Variants in EXTL1 observed in about 807,000 individuals in gnomAD.
EXTL1 encodes exostosin-like 1.
EXTL1 carries 43 observed loss-of-function variants against 64.6 expected under a neutral mutation model. That is an observed-to-expected ratio of 0.67 (90% CI 0.52 to 0.86). The LOEUF (loss-of-function observed/expected upper bound fraction) is 0.86, where lower values mean the gene tolerates loss of function less well. Ranked by LOEUF, EXTL1 falls within the 40% of genes least tolerant of loss-of-function variation. The probability of loss-of-function intolerance (pLI) is 0.00; values close to 1 mark genes in which losing one functional copy is unlikely to be tolerated. For synonymous variants in EXTL1, 352 were observed against 360.5 expected, an observed-to-expected ratio of 0.98 and a Z score of 0.27; for missense variants, 766 against 879.0, an observed-to-expected ratio of 0.87 and a Z score of 1.62.
rs563875481 is a variant in EXTL1, at chr1:26,026,167, G to A, written c.779+2742G>A. 4.0e-5 allele frequency among the ~76,000 whole-genome samples: 6 copies of A among 150,316 alleles called. No individual in the cohort carries two copies. In the South Asian group the frequency reaches 1.1e-3, roughly 26 times the overall value. ...AGTGAGAGGATCGCTTGAGCCCAGG[G>A]TGTCAAGGCTAGAGTGAGCTGGGAT... On this transcript the variant is annotated intron_variant, in intron 1 of 10. Transcript: ENST00000374280.
At chr1:26,031,103 C>T (rs746559225) in intron 4 of EXTL1, 29 bp from the exon 5 acceptor site, 12 of 1,613,746 alleles carry the variant, frequency 7.4e-6, no homozygotes, top group Middle Eastern at 1.6e-4. Context: ...ACAGGCCACT[C>T]GCTCTGCTCA....
At position 26,031,165 on chromosome 1, in the gene EXTL1, C is replaced by A. The variant is rs2736831; in HGVS notation, c.1135C>A (p.His379Asn). 0.68 allele frequency: 1,097,982 copies of A among 1,613,718 alleles called. 381,896 individuals are homozygous for A. The highest frequency in any genetic ancestry group is 0.76 in the East Asian group (34,239 of 44,836). Residue 379 changes from histidine to asparagine, a missense_variant, in exon 5 of 11, where the codon CAC (histidine) becomes AAC (asparagine). His to Asn is a moderately conservative substitution (Grantham distance 68). Around this residue, in one of 3 missense-constraint regions of EXTL1, gnomAD observed 571 missense variants for 647.6 expected, o/e 0.88. Transcript: ENST00000374280. ...GGACCGGATTTTTGGAACATCAGCT[C>A]ACCCCTCACTGCTGTGGAACAGCCC... is the stretch of plus-strand genomic sequence containing the variant. The part of the protein sequence containing the change: ...IQDRIFGTSA[H>N]PSLLWNSPPG...
chr1:26,030,682 G>A, intron 4 of EXTL1, 87 bp downstream of exon 4: 38 of 1,437,678 alleles, frequency 2.6e-5, no homozygotes, highest in Non-Finnish European at 3.5e-5. Context: ...CACAGTGTTT[G>A]GGGAACCCCC....
At chr1:26,027,711 C>T (rs76141162) in intron 1 of EXTL1, among the ~76,000 whole-genome samples, 2 of 99,772 alleles carry the variant, frequency 2.0e-5, no homozygotes, top group East Asian at 5.4e-4. Context: ...AAAAAAAAGC[C>T]AGCACGTGCC....
intron 4 of EXTL1, 103 bp from the exon 5 acceptor site, chr1:26,031,029 G>C (rs2050279337): frequency 6.9e-7 from 1 of 1,440,764 alleles, no homozygotes; most frequent in Non-Finnish European, 9.7e-7. Context: ...TCTGACCCCA[G>C]GGGTCTGGTG....
At chr1:26,026,136 G>C (rs1482514787) in intron 1 of EXTL1, among the ~76,000 whole-genome samples, 1 of 151,232 alleles carries the variant, frequency 6.6e-6, no homozygotes, top group African/African-American at 2.4e-5. Flanking sequence ...CTACTTGGGA[G>C]GCTGAAGTGA....
chr1:26,033,609 C>A lies in EXTL1; in HGVS notation c.1519-87C>A. The A allele has an allele frequency of 1.4e-6, 2 of 1,436,740 alleles. No homozygotes were observed. The highest frequency in any genetic ancestry group is 1.9e-6 in the Non-Finnish European group (2 of 1,038,564). 89.0% of individuals were successfully genotyped at this position (1,436,740 alleles called of 1,614,324 possible). A position where few individuals can be genotyped will look rare whatever the true frequency, so the allele number is the denominator to read the frequency against. The stretch of plus-strand genomic sequence containing the variant: ...TCCCCTGAGTCCTGCCCGGGCCCCT[C>A]AGCCAGGCTGCCCCTGCCTCCATTT... On this transcript the variant is annotated intron_variant, in intron 8 of 10. Coordinates refer to ENST00000374280, the MANE Select transcript of EXTL1 (RefSeq NM_004455.3). This position sits in a 1 kb window ranked among gnomAD's most constrained non-coding sequence, Gnocchi z 5.1.
At position 26,035,394 on chromosome 1, in the gene EXTL1, A is replaced by AG. The variant is rs752317244; in HGVS notation, c.*52dup. On this transcript the variant is annotated 3_prime_UTR_variant, in exon 11 of 11. Transcript: ENST00000374280. This position sits in a 1 kb window ranked among gnomAD's most constrained non-coding sequence, Gnocchi z 5.3. ...CAGCAGAGGTCGCAGCCCAGCTCCC[A>AG]GGGGGCCCGGCGCCTGCCGGCGGGC... 1 of 1,522,048 alleles carries AG rather than the reference A, an allele frequency of 6.6e-7. No individual in the cohort carries two copies. Among genetic ancestry groups the AG allele is most frequent in the Non-Finnish European group, 8.9e-7 (1 of 1,128,384 alleles). The allele number at this position is 1,522,048 out of a possible 1,614,324, so 94.3% of individuals were successfully genotyped here.
At chr1:26,027,079 A>G (rs543238917) in intron 1 of EXTL1, among the ~76,000 whole-genome samples, 1 of 152,250 alleles carries the variant, frequency 6.6e-6, no homozygotes, top group East Asian at 1.9e-4. Flanking sequence ...CTAGTGTCTC[A>G]CTGAGCATTC....
Position 26,033,760 on chromosome 1 carries a change from G to T in EXTL1, c.1583G>T (p.Ser528Ile). The change falls in exon 9 of 11, where the codon AGC becomes ATC. Residue 528 changes from serine (S) to isoleucine (I), a missense_variant. Around this residue, in one of 3 missense-constraint regions of EXTL1, gnomAD observed 194 missense variants for 214.5 expected, o/e 0.90. Transcript: ENST00000374280. This position sits in a 1 kb window ranked among gnomAD's most constrained non-coding sequence, Gnocchi z 5.1. Reference sequence around the variant, plus strand: ...CGGATGGTGGGCTTCCTGACGTCGAGCCATTTCTGGGACGAGGCCCATGGT... The same window carrying T: ...CGGATGGTGGGCTTCCTGACGTCGATCCATTTCTGGGACGAGGCCCATGGT... Reference protein sequence around the residue: ...PERMVGFLTSSHFWDEAHGGW... With the variant: ...PERMVGFLTSIHFWDEAHGGW... The T allele has an allele frequency of 6.2e-7, 1 of 1,614,192 alleles. No homozygotes were observed. The highest frequency in any genetic ancestry group is 1.1e-5 in the South Asian group (1 of 91,086).
rs2050321679 is a variant in EXTL1, at chr1:26,034,785, C to T, written c.1680-51C>T. The T allele has an allele frequency of 1.3e-6, 2 of 1,573,216 alleles. No individual in the cohort carries two copies. Among genetic ancestry groups the T allele is most frequent in the Non-Finnish European group, 1.7e-6 (2 of 1,150,022 alleles). On this transcript the variant is annotated intron_variant, in intron 9 of 10. Coordinates refer to ENST00000374280, the MANE Select transcript of EXTL1 (RefSeq NM_004455.3). The surrounding 1 kb of genome is among the most constrained non-coding windows in gnomAD (Gnocchi z 4.6). The stretch of plus-strand genomic sequence containing the variant: ...GAGGTCAGGAGGGAGGAGAATGGGG[C>T]CTGGGGATGGATTTGGCTGCAGCCT...
intron 2 of EXTL1, 56 bp from the exon 3 acceptor site, chr1:26,029,544 G>T (rs369454903): frequency 9.5e-7 from 1 of 1,051,436 alleles, no homozygotes; most frequent in African/African-American, 1.6e-5. Context: ...AACTGGGCGG[G>T]GGGTGAGTAT....
rs769562026 is a variant in EXTL1, at chr1:26,031,131, G to A, written c.1102-1G>A. On this transcript the variant is annotated splice_acceptor_variant, in intron 4 of 10. Coordinates refer to ENST00000374280, the MANE Select transcript of EXTL1 (RefSeq NM_004455.3). LOFTEE classifies it high-confidence loss of function. ...TCTGCTCAGCTTCTCTCTCATTTTA[G>A]GTTATTCAGGACCGGATTTTTGGAA... 6.2e-7 allele frequency: 1 copy of A among 1,614,060 alleles called. No homozygotes were observed. The highest frequency in any genetic ancestry group is 8.5e-7 in the Non-Finnish European group (1 of 1,179,980).
Position 26,033,080 on chromosome 1 carries a change from T to G in EXTL1, c.1432-149T>G. 1.7e-6 allele frequency: 1 copy of G among 602,112 alleles called. No individual in the cohort carries two copies. Among genetic ancestry groups the G allele is most frequent in the Non-Finnish European group, 3.0e-6 (1 of 334,370 alleles). The allele number at this position is 602,112 out of a possible 1,614,324, so 37.3% of individuals were successfully genotyped here. On this transcript the variant is annotated intron_variant, in intron 7 of 10. Transcript: ENST00000374280. This position sits in a 1 kb window ranked among gnomAD's most constrained non-coding sequence, Gnocchi z 5.1. ...AAACGAGCTCTGCACAGGCTTGCCA[T>G]ATTTGAGGCCCAGGCGTCTACACTG...
At position 26,034,893 on chromosome 1, in the gene EXTL1, T is replaced by C; in HGVS notation, c.1737T>C (p.Asp579=). 6.2e-7 allele frequency: 1 copy of C among 1,614,172 alleles called. No individual in the cohort carries two copies. The highest frequency in any genetic ancestry group is 8.5e-7 in the Non-Finnish European group (1 of 1,180,022). Residue 579 remains aspartate, a synonymous_variant, in exon 10 of 11, where the codon GAT becomes GAC. Transcript: ENST00000374280. The surrounding 1 kb of genome is among the most constrained non-coding windows in gnomAD (Gnocchi z 4.6). ...CCAAGGCTCTGAGGACCCTGGCAGA[T>C]GAGGCACCCACCTGTGTGGACGTCC... ...SLPKALRTLA[D]EAPTCVDVLM...
At chr1:26,027,478 G>A (rs768977085) in intron 1 of EXTL1, among the ~76,000 whole-genome samples, 3 of 152,142 alleles carry the variant, frequency 2.0e-5, no homozygotes, top group Non-Finnish European at 4.4e-5. Context: ...AGTCCACTGG[G>A]AGGTGGGAGT....
chr1:26,031,711 G>T (rs1938404), intron 6 of EXTL1, 145 bp downstream of exon 6: 2 of 489,374 alleles, frequency 4.1e-6, no homozygotes, highest in Non-Finnish European at 3.5e-6. Flanking sequence ...GCTGCCTCCT[G>T]TAAGTCCCAA....
chr1:26,022,700 G>T lies in EXTL1; in HGVS notation c.54G>T (p.Trp18Cys). The change falls in exon 1 of 11, where the codon TGG becomes TGT. Residue 18 changes from tryptophan (W) to cysteine (C), a missense_variant. Trp to Cys is a radical substitution (Grantham distance 215). This residue lies in a region of EXTL1 where 571 missense variants were observed against 647.6 expected (regional missense o/e 0.88). Transcript: ENST00000374280. Reference sequence around the variant, plus strand: ...TGTGGCTGGCACTGTCAGCCTCCTGGCTCCTGCTTGTCCTGCTGGGAGGCT... The same window carrying T: ...TGTGGCTGGCACTGTCAGCCTCCTGTCTCCTGCTTGTCCTGCTGGGAGGCT... ...KSLWLALSAS[W>C]LLLVLLGGFS... 1.2e-6 allele frequency: 2 copies of T among 1,613,022 alleles called. No individual in the cohort carries two copies. Among genetic ancestry groups the T allele is most frequent in the Non-Finnish European group, 1.7e-6 (2 of 1,179,494 alleles).
chr1:26,026,775 G>T (rs759176042), intron 1 of EXTL1, among the ~76,000 whole-genome samples: 11 of 152,266 alleles, frequency 7.2e-5, no homozygotes, highest in Non-Finnish European at 1.3e-4. Flanking sequence ...GCACAGCCAC[G>T]CTGACCACCC....
Sources: allele counts gnomAD v4.1 joint callset (sites outside exome capture counted in the v4.1 genomes callset), GRCh38; gene constraint gnomAD v4.1.1; regional missense constraint gnomAD v4.1.1; non-coding constraint Gnocchi (gnomAD v3.1); transcripts MANE v1.5; gene names NCBI Gene and HGNC (gene_info 2026-07-23, HGNC 2026-07-21).